The following NLGN4X variants were observed in gnomAD, a reference collection of about 807,000 sequenced individuals.
NLGN4X encodes neuroligin 4 X-linked.
Under a neutral mutation model 40.3 loss-of-function variants are expected in NLGN4X, and 3 were observed. That is an observed-to-expected ratio of 0.07 (90% CI 0.03 to 0.19). The LOEUF (loss-of-function observed/expected upper bound fraction) is 0.19, where lower values mean the gene tolerates loss of function less well. NLGN4X is among the 10% of genes least tolerant of loss of function. The probability of loss-of-function intolerance (pLI) is 1.00; values close to 1 mark genes in which losing one functional copy is unlikely to be tolerated. For synonymous variants in NLGN4X, 270 were observed against 306.8 expected, an observed-to-expected ratio of 0.88 and a Z score of 1.25; for missense variants, 382 against 708.3, an observed-to-expected ratio of 0.54 and a Z score of 5.23.
intron 1 of NLGN4X, chrX:6,227,963 G>C (rs1027589225): frequency 8.9e-6 from 1 of 112,474 alleles, no homozygotes; most frequent in Non-Finnish European, 1.8e-5. Context: ...GAATAAGGGG[G>C]GGGGGTGGGG....
chrX:5,895,324 A>G (rs907690985), intron 5 of NLGN4X, among the ~76,000 whole-genome samples: 1 of 111,626 alleles, frequency 9.0e-6, no homozygotes, highest in African/African-American at 3.3e-5. Context: ...AGGTTGAAAG[A>G]TAATGACAAG....
intron 1 of NLGN4X, among the ~76,000 whole-genome samples, chrX:6,207,402 T>G (rs1033592353): frequency 1.8e-5 from 2 of 112,058 alleles, no homozygotes; most frequent in South Asian, 3.7e-4. Context: ...CCTATTTCCT[T>G]GTAGAGCAAA....
chrX:6,183,504 G>A (rs924031590), intron 1 of NLGN4X, among the ~76,000 whole-genome samples: 34 of 109,035 alleles, frequency 3.1e-4, no homozygotes, highest in Non-Finnish European at 5.3e-4. Flanking sequence ...CGGAGATCGC[G>A]CCACTGCACT....
At chrX:5,996,568 G>A (rs72609503) in intron 3 of NLGN4X, among the ~76,000 whole-genome samples, 18,426 of 107,226 alleles carry the variant, frequency 0.17, 1,176 homozygotes, top group East Asian at 0.28. Context: ...GTGTGGGCCT[G>A]CCCACAGAAA....
chrX:5,920,167 G>C (rs1393549445), intron 3 of NLGN4X, among the ~76,000 whole-genome samples: 1 of 112,174 alleles, frequency 8.9e-6, no homozygotes, highest in Non-Finnish European at 1.9e-5. Context: ...AAAGAATTAC[G>C]AGTTGCGAAG....
chrX:6,071,020 T>G (rs1199545652), intron 2 of NLGN4X, among the ~76,000 whole-genome samples: 1 of 111,262 alleles, frequency 9.0e-6, no homozygotes, highest in African/African-American at 3.3e-5. Context: ...ACCTAGCTAC[T>G]AAGGAAGCTG....
chrX:5,926,789 TACACACAC>T (rs3072083), intron 3 of NLGN4X, among the ~76,000 whole-genome samples: 5 of 93,052 alleles, frequency 5.4e-5, no homozygotes, highest in Admixed American at 2.4e-4. Flanking sequence ...CTAGAGAGCA[TACACACAC>T]ACACACACAC....
At chrX:5,897,202 T>C (rs2031540566) in intron 5 of NLGN4X, among the ~76,000 whole-genome samples, 1 of 111,843 alleles carries the variant, frequency 8.9e-6, no homozygotes, top group Middle Eastern at 4.6e-3. Context: ...TTATAATGCA[T>C]TGTTTGGTTA....
intron 3 of NLGN4X, among the ~76,000 whole-genome samples, chrX:5,951,376 C>T (rs1456177261): frequency 1.8e-5 from 2 of 111,668 alleles, no homozygotes; most frequent in Non-Finnish European, 3.8e-5. Flanking sequence ...ATAAGGCAAT[C>T]TGTCTGTCAT....
intron 3 of NLGN4X, among the ~76,000 whole-genome samples, chrX:5,919,039 G>A (rs749929735): frequency 3.6e-5 from 4 of 112,196 alleles, no homozygotes; most frequent in Admixed American, 9.5e-5. Flanking sequence ...AATAGCTGGG[G>A]CTAAGATTTC....
chrX:6,130,800 T>C (rs2039662588), intron 2 of NLGN4X, among the ~76,000 whole-genome samples: 4 of 112,036 alleles, frequency 3.6e-5, no homozygotes, highest in Admixed American at 2.8e-4. Context: ...CCCAATCCCA[T>C]GGTAATGAGC....
intron 1 of NLGN4X, among the ~76,000 whole-genome samples, chrX:6,183,082 G>C (rs1454390626): frequency 8.9e-6 from 1 of 112,040 alleles, no homozygotes; most frequent in Admixed American, 9.4e-5. Context: ...TTTCCAAATA[G>C]AGAAGACATC....
At chrX:6,009,008 T>C (rs190763155) in intron 3 of NLGN4X, among the ~76,000 whole-genome samples, 1 of 112,129 alleles carries the variant, frequency 8.9e-6, no homozygotes, top group East Asian at 2.8e-4. Flanking sequence ...TTTATTTATG[T>C]TGTAGCATGT....
chrX:6,101,543 G>A (rs1448223680), intron 2 of NLGN4X, among the ~76,000 whole-genome samples: 3 of 111,624 alleles, frequency 2.7e-5, no homozygotes, highest in African/African-American at 9.8e-5. Flanking sequence ...AGATCATTAT[G>A]TTAAGTGAAA....
At chrX:6,051,364 G>T (rs1159323026) in intron 2 of NLGN4X, among the ~76,000 whole-genome samples, 2 of 111,714 alleles carry the variant, frequency 1.8e-5, no homozygotes, top group Non-Finnish European at 3.8e-5. Context: ...AGGTACTACT[G>T]CAGGGTCTTT....
intron 1 of NLGN4X, among the ~76,000 whole-genome samples, chrX:6,194,440 A>C (rs1002170303): frequency 5.4e-5 from 6 of 111,515 alleles, no homozygotes; most frequent in African/African-American, 2.0e-4. Flanking sequence ...GAGATATCTA[A>C]CAGAGTACCA....
At chrX:5,895,005 T>TTGCATGGCC (rs1201691874) in intron 5 of NLGN4X, among the ~76,000 whole-genome samples, 1 of 112,021 alleles carries the variant, frequency 8.9e-6, no homozygotes, top group Non-Finnish European at 1.9e-5. Flanking sequence ...CCTCCAGTCA[T>TTGCATGGCC]TGCATGGCCT....
At chrX:6,078,283 C>T (rs2147390698) in intron 2 of NLGN4X, among the ~76,000 whole-genome samples, 1 of 112,314 alleles carries the variant, frequency 8.9e-6, no homozygotes, top group South Asian at 3.7e-4. Context: ...ATCCTGTTTG[C>T]TATCGTATCT....
chrX:5,911,456 C>A (rs1251524045), intron 3 of NLGN4X, among the ~76,000 whole-genome samples: 2 of 111,690 alleles, frequency 1.8e-5, no homozygotes, highest in African/African-American at 3.3e-5. Flanking sequence ...TAACAGCATC[C>A]TATTGGATGG....
Sources: allele counts gnomAD v4.1 joint callset (sites outside exome capture counted in the v4.1 genomes callset), GRCh38; gene constraint gnomAD v4.1.1; transcripts MANE v1.5; gene names NCBI Gene and HGNC (gene_info 2026-07-23, HGNC 2026-07-21).